IDO2: variants seen among roughly 807,000 people sequenced by gnomAD.
IDO2 encodes the protein indoleamine 2,3-dioxygenase 2, also known as indoleamine 2,3-dioxygenase-like 1 protein.
A neutral mutation model predicts 45.1 loss-of-function variants in IDO2; 46 were observed. That is an observed-to-expected ratio of 1.02 (90% CI 0.80 to 1.30). The LOEUF (loss-of-function observed/expected upper bound fraction) is 1.30, where lower values mean the gene tolerates loss of function less well. Ranked by LOEUF, IDO2 falls within the 50% of genes most tolerant of loss-of-function variation. IDO2 has a pLI of 0.00. For missense variants in IDO2, 544 were observed against 491.8 expected (o/e 1.11, Z -1.00); for synonymous variants, 218 against 184.9 (o/e 1.18, Z -1.45).
At chr8:39,959,733 G>T (rs548984883) in intron 2 of IDO2, among the ~76,000 whole-genome samples, 173 of 152,270 alleles carry the variant, frequency 1.1e-3, no homozygotes, top group African/African-American at 4.0e-3. Flanking sequence ...TGAGGCAGGA[G>T]AATCTCTTGA....
At chr8:39,965,900 C>A (rs1369206032) in intron 3 of IDO2, among the ~76,000 whole-genome samples, 2 of 9,192 alleles carry the variant, frequency 2.2e-4, no homozygotes, top group Non-Finnish European at 8.1e-4. Context: ...TAATTTGGGA[C>A]TTCTATGACT....
Position 40,013,766 on chromosome 8 carries a change from T to TG in IDO2, c.868+54dup, listed in dbSNP as rs1802344425. 1.6e-5 allele frequency: 18 copies of TG among 1,145,372 alleles called. 1 individual carries two copies. The Admixed American group carries it at 4.0e-4, about 26-fold the overall frequency. The allele number at this position is 1,145,372 out of a possible 1,614,324, so 71.0% of individuals were successfully genotyped here. On this transcript the variant is annotated intron_variant, in intron 10 of 10. Coordinates refer to ENST00000502986, the Ensembl canonical transcript of IDO2. ...AGAGTAGAGGGAGGAAGAGGAGAGG[T>TG]GTTTTTTTTTTTTCCAATTGATAAA...
chr8:40,013,850 G>A, intron 10 of IDO2, 137 bp downstream of exon 10: 2 of 628,466 alleles, frequency 3.2e-6, no homozygotes, highest in Non-Finnish European at 5.1e-6. Flanking sequence ...CCAAGAAACT[G>A]CATGACTGCC....
At chr8:39,934,927 A>T (rs139126599) in exon 1 of IDO2, 1 of 592,924 alleles carries the variant, frequency 1.7e-6, no homozygotes, top group East Asian at 3.0e-5. Context: ...TGCAAAGTTG[A>T]GTCCATACAC....
intron 1 of IDO2, among the ~76,000 whole-genome samples, chr8:39,948,713 C>T (rs1472728711): frequency 6.6e-6 from 1 of 152,152 alleles, no homozygotes; most frequent in African/African-American, 2.4e-5. Flanking sequence ...GGGAAGGAAA[C>T]CTTGCTAACA....
intron 3 of IDO2, among the ~76,000 whole-genome samples, chr8:39,970,839 T>C (rs1808166928): frequency 6.8e-6 from 1 of 146,632 alleles, no homozygotes; most frequent in Non-Finnish European, 1.5e-5. Context: ...CGATCTCAGC[T>C]CACTGCAATC....
intron 8 of IDO2, among the ~76,000 whole-genome samples, chr8:40,001,752 G>A (rs1802140647): frequency 6.6e-6 from 1 of 152,040 alleles, no homozygotes; most frequent in Admixed American, 6.6e-5. Flanking sequence ...AAGAGGTCTT[G>A]AATAAGAAAT....
chr8:39,961,946 T>C (rs958769388), intron 2 of IDO2, among the ~76,000 whole-genome samples: 3 of 152,178 alleles, frequency 2.0e-5, no homozygotes, highest in Admixed American at 6.6e-5. Flanking sequence ...ATTGGTGAAC[T>C]TTTTCTGAAG....
intron 3 of IDO2, among the ~76,000 whole-genome samples, chr8:39,969,873 CTCA>C (rs1210058205): frequency 2.9e-4 from 6 of 20,888 alleles, no homozygotes; most frequent in Non-Finnish European, 8.2e-5. Flanking sequence ...AAAACTCCTT[CTCA>C]AAAAAAAAAA....
At chr8:39,971,397 G>C (rs1808177238) in intron 3 of IDO2, among the ~76,000 whole-genome samples, 1 of 152,158 alleles carries the variant, frequency 6.6e-6, no homozygotes, top group Admixed American at 6.5e-5. Flanking sequence ...CTCTACTGGA[G>C]ATATACAGGA....
intron 2 of IDO2, among the ~76,000 whole-genome samples, chr8:39,950,184 T>TTAG (rs1272653079): frequency 6.6e-6 from 1 of 152,118 alleles, no homozygotes; most frequent in East Asian, 1.9e-4. Context: ...ATTATTATTA[T>TTAG]TAATTATTAT....
In IDO2 at chr8:39,936,518, G is replaced by A. The variant is rs115754232; in HGVS notation, c.-18+1300G>A. 6.9e-3 allele frequency among the ~76,000 whole-genome samples: 1,055 copies of A among 152,260 alleles called. 10 individuals are homozygous for A. Among genetic ancestry groups the A allele is most frequent in the African/African-American group, 0.024 (991 of 41,552 alleles). On this transcript the variant is annotated intron_variant, in intron 1 of 10. Coordinates refer to ENST00000502986, the Ensembl canonical transcript of IDO2. Reference sequence around the variant, plus strand: ...AAAAATTAATAGGGACTTAAGAACAGAAGCCATATATCTGCCCTGAGATGA... The same window carrying A: ...AAAAATTAATAGGGACTTAAGAACAAAAGCCATATATCTGCCCTGAGATGA...
intron 3 of IDO2, among the ~76,000 whole-genome samples, chr8:39,977,823 A>T (rs1808284762): frequency 6.6e-6 from 1 of 152,228 alleles, no homozygotes; most frequent in African/African-American, 2.4e-5. Flanking sequence ...TTTTGTGGGC[A>T]CATAGTCGGT....
In IDO2 at chr8:39,985,683, C is replaced by G. The variant is rs1212058352; in HGVS notation, c.449+161C>G. The G allele has an allele frequency of 4.6e-6, 3 of 652,526 alleles. No individual in the cohort carries two copies. The African/African-American group carries it at 5.5e-5, about 12-fold the overall frequency. The allele number at this position is 652,526 out of a possible 1,614,324, so 40.4% of individuals were successfully genotyped here. Reference sequence around the variant, plus strand: ...TAGAAGGAAATGTGCCTAAAATTCACAGTCTAAAATTTAACAGTGATTGCC... The same window carrying G: ...TAGAAGGAAATGTGCCTAAAATTCAGAGTCTAAAATTTAACAGTGATTGCC... On this transcript the variant is annotated intron_variant, in intron 6 of 10. Transcript: ENST00000502986.
chr8:39,985,669 G>T, intron 6 of IDO2, 147 bp downstream of exon 6: 1 of 670,542 alleles, frequency 1.5e-6, no homozygotes. Context: ...AGAAGGAAAT[G>T]TGCCTAAAAT....
At chr8:39,945,849 G>T (rs1404301595) in intron 1 of IDO2, among the ~76,000 whole-genome samples, 2 of 152,154 alleles carry the variant, frequency 1.3e-5, no homozygotes, top group Non-Finnish European at 2.9e-5. Context: ...TAACTTAATC[G>T]ATTCCGTCTT....
At chr8:40,015,395 C>T in exon 11 of IDO2, 1 of 1,613,872 alleles carries the variant, frequency 6.2e-7, no homozygotes, top group Non-Finnish European at 8.5e-7. Context: ...GTGTGCAGGC[C>T]CTGGCAGAGC....
At chr8:39,978,774 C>T (rs1222059182) in intron 3 of IDO2, among the ~76,000 whole-genome samples, 2 of 152,058 alleles carry the variant, frequency 1.3e-5, no homozygotes, top group African/African-American at 4.8e-5. Flanking sequence ...TCCAGCCAAG[C>T]AGTGGCTTCA....
At chr8:39,968,076 A>AT (rs1214044905) in intron 3 of IDO2, among the ~76,000 whole-genome samples, 1 of 113,840 alleles carries the variant, frequency 8.8e-6, no homozygotes, top group African/African-American at 5.1e-5. Context: ...ATTCATAATC[A>AT]CCAAAAAAAA....
Sources: allele counts gnomAD v4.1 joint callset (sites outside exome capture counted in the v4.1 genomes callset), GRCh38; gene constraint gnomAD v4.1.1; transcripts MANE v1.5; gene names NCBI Gene and HGNC (gene_info 2026-07-23, HGNC 2026-07-21).